Variants in PREP observed in about 807,000 individuals in gnomAD.
PREP encodes prolyl endopeptidase, also known as dJ355L5.1 (prolyl endopeptidase).
A neutral mutation model predicts 87.6 loss-of-function variants in PREP; 29 were observed. The ratio of observed to expected loss-of-function variants is 0.33; its 90% CI spans 0.25 to 0.45. The LOEUF (loss-of-function observed/expected upper bound fraction) is 0.45, where lower values mean the gene tolerates loss of function less well. Among genes scored for constraint, PREP ranks in the 20% least tolerant of loss-of-function variants. PREP has a pLI of 1.00. For missense variants in PREP, 695 were observed against 886.5 expected (o/e 0.78, Z 2.74); for synonymous variants, 337 against 328.6 (o/e 1.03, Z -0.28).
Position 105,333,397 on chromosome 6 carries a change from T to C in PREP, c.932A>G (p.Tyr311Cys), listed in dbSNP as rs761859586. The C allele has an allele frequency of 4.3e-6, 7 of 1,614,176 alleles. No individual in the cohort carries two copies. Among genetic ancestry groups the C allele is most frequent in the African/African-American group, 2.7e-5 (2 of 75,054 alleles). Reference protein sequence around the residue: ...TFKTNRQSPNYRVINIDFRDP... With the variant: ...TFKTNRQSPNCRVINIDFRDP... Reference sequence around the variant, plus strand: ...CCTGAAGTCAATGTTGATCACGCGATAGTTGGGAGACTGGCGATTCGTCTT... The same window carrying C: ...CCTGAAGTCAATGTTGATCACGCGACAGTTGGGAGACTGGCGATTCGTCTT... The change falls in exon 8 of 15, where the codon TAT becomes TGT. Residue 311 changes from tyrosine to cysteine, a missense_variant. Around this residue, in one of 5 missense-constraint regions of PREP, gnomAD observed 517 missense variants for 620.3 expected, o/e 0.83. Coordinates refer to ENST00000652536, the MANE Select transcript of PREP (RefSeq NM_002726.5).
intron 6 of PREP, among the ~76,000 whole-genome samples, chr6:105,358,263 C>G (rs1583079257): frequency 6.6e-6 from 1 of 152,092 alleles, no homozygotes; most frequent in East Asian, 1.9e-4. Flanking sequence ...CCATTACTTG[C>G]ATTCCTAATC....
intron 13 of PREP, 124 bp downstream of exon 13, chr6:105,282,327 G>T: frequency 8.5e-7 from 1 of 1,181,826 alleles, no homozygotes; most frequent in Non-Finnish European, 1.2e-6. Flanking sequence ...AATGGGTTTT[G>T]CTCTCCTTAT....
chr6:105,363,415 T>C (rs1432544659), intron 6 of PREP, among the ~76,000 whole-genome samples: 2 of 152,266 alleles, frequency 1.3e-5, no homozygotes, highest in South Asian at 2.1e-4. Context: ...TTTGGTCCAA[T>C]AGAACCTGAC....
intron 7 of PREP, among the ~76,000 whole-genome samples, chr6:105,344,226 C>T (rs1052384771): frequency 6.6e-6 from 1 of 152,154 alleles, no homozygotes. Flanking sequence ...CGCGGTGGCT[C>T]ACGCCTGTAA....
chr6:105,288,232 C>T (rs1351228533), intron 11 of PREP, among the ~76,000 whole-genome samples: 1 of 152,208 alleles, frequency 6.6e-6, no homozygotes, highest in Admixed American at 6.5e-5. Flanking sequence ...ACCTGTTACA[C>T]TGAGGACATT....
intron 6 of PREP, among the ~76,000 whole-genome samples, chr6:105,365,144 G>T (rs1772353074): frequency 6.6e-6 from 1 of 152,208 alleles, no homozygotes; most frequent in Admixed American, 6.5e-5. Context: ...CTACTCGGGA[G>T]GCTGAGGCAA....
intron 12 of PREP, among the ~76,000 whole-genome samples, chr6:105,283,316 G>C (rs1770121342): frequency 6.6e-6 from 1 of 152,156 alleles, no homozygotes; most frequent in South Asian, 2.1e-4. Context: ...ATTACTTGGA[G>C]AAACATTTAC....
intron 8 of PREP, among the ~76,000 whole-genome samples, chr6:105,330,218 G>A (rs1207710227): frequency 6.6e-6 from 1 of 152,178 alleles, no homozygotes; most frequent in Non-Finnish European, 1.5e-5. Context: ...CATAAAGATG[G>A]CATTAATAAA....
At position 105,322,930 on chromosome 6, in the gene PREP, C is replaced by T. The variant is rs74850740; in HGVS notation, c.1317+735G>A. On this transcript the variant is annotated intron_variant, in intron 10 of 14. Transcript: ENST00000652536. ...AGCGCTCTTTATTCTCATCTTCCTT[C>T]ACAAACAATGTTCTGATTCCTAATC... The T allele has an allele frequency of 4.4e-3, 5,329 of 1,222,870 alleles. 207 individuals are homozygous for T. In the African/African-American group the frequency reaches 0.077, roughly 18 times the overall value. 75.8% of individuals were successfully genotyped at this position (1,222,870 alleles called of 1,614,324 possible). A position where few individuals can be genotyped will look rare whatever the true frequency, so the allele number is the denominator to read the frequency against.
intron 14 of PREP, chr6:105,280,809 G>C (rs1419940742): frequency 6.6e-6 from 1 of 152,134 alleles, no homozygotes; most frequent in African/African-American, 2.4e-5. Flanking sequence ...CTAAGCTCAA[G>C]TGATCTACCT....
At chr6:105,343,315 G>A (rs1393256992) in intron 7 of PREP, among the ~76,000 whole-genome samples, 1 of 152,174 alleles carries the variant, frequency 6.6e-6, no homozygotes, top group Non-Finnish European at 1.5e-5. Flanking sequence ...GGGAAAACTG[G>A]CTAGCCATAT....
chr6:105,314,969 G>A (rs541945481), intron 10 of PREP, among the ~76,000 whole-genome samples: 2 of 152,264 alleles, frequency 1.3e-5, no homozygotes, highest in South Asian at 4.1e-4. Flanking sequence ...TCTTTGTACA[G>A]CTCCATCAGA....
chr6:105,397,823 T>A, intron 2 of PREP, 30 bp downstream of exon 2: 1 of 1,527,942 alleles, frequency 6.5e-7, no homozygotes, highest in Non-Finnish European at 9.1e-7. Context: ...CTACTAAGGC[T>A]GCCTTATCTT....
Position 105,282,552 on chromosome 6 carries a change from A to T in PREP, c.1580T>A (p.Phe527Tyr). Residue 527 changes from phenylalanine to tyrosine, a missense_variant, in exon 13 of 15, where the codon TTT becomes TAT. Coordinates refer to ENST00000652536, the MANE Select transcript of PREP (RefSeq NM_002726.5). ...CTCAGCAGCACACTGAAAGTCATCA[A>T]AGCAGTTTTGTTTGTTGGCCAAGAT... ...GGILANKQNC[F>Y]DDFQCAAEYL... The T allele has an allele frequency of 2.5e-6, 4 of 1,614,164 alleles. No homozygotes were observed. The highest frequency in any genetic ancestry group is 2.5e-6 in the Non-Finnish European group (3 of 1,179,988).
intron 7 of PREP, among the ~76,000 whole-genome samples, chr6:105,349,635 TTA>T (rs778581281): frequency 9.2e-5 from 14 of 152,070 alleles, no homozygotes; most frequent in Middle Eastern, 3.5e-3. Flanking sequence ...AATAATTAAT[TTA>T]TACAAAAATG....
chr6:105,328,833 A>C lies in PREP; in HGVS notation c.1209T>G (p.Ser403=). 6.2e-7 allele frequency: 1 copy of C among 1,614,060 alleles called. No individual in the cohort carries two copies. Among genetic ancestry groups the C allele is most frequent in the Non-Finnish European group, 8.5e-7 (1 of 1,179,930 alleles). ...CAACAGTGAAAAAACACTTACCTGG[A>C]GATAAAAAGGAAGTAAACTGATAGA... The part of the protein sequence containing the change: ...EIFYQFTSFL[S]PGIIYHCDLT... Residue 403 remains serine, a synonymous_variant, in exon 9 of 15, where the codon TCT becomes TCG. Coordinates refer to ENST00000652536, the MANE Select transcript of PREP (RefSeq NM_002726.5).
At chr6:105,381,042 A>G (rs1179378232) in intron 2 of PREP, among the ~76,000 whole-genome samples, 6 of 152,228 alleles carry the variant, frequency 3.9e-5, no homozygotes, top group Non-Finnish European at 8.8e-5. Flanking sequence ...TAAAGTTTTC[A>G]TAAAACTGTT....
intron 8 of PREP, among the ~76,000 whole-genome samples, chr6:105,329,620 A>G (rs1319964640): frequency 6.6e-6 from 1 of 152,208 alleles, no homozygotes; most frequent in Non-Finnish European, 1.5e-5. Context: ...TTATCATGCT[A>G]TAGGAGCTAT....
chr6:105,376,817 G>C (rs1231031927), intron 3 of PREP, among the ~76,000 whole-genome samples: 2 of 152,202 alleles, frequency 1.3e-5, no homozygotes, highest in Admixed American at 6.5e-5. Flanking sequence ...TATAAAAATA[G>C]GTAGGCAGCC....
Sources: allele counts gnomAD v4.1 joint callset (sites outside exome capture counted in the v4.1 genomes callset), GRCh38; gene constraint gnomAD v4.1.1; regional missense constraint gnomAD v4.1.1; transcripts MANE v1.5; gene names NCBI Gene and HGNC (gene_info 2026-07-23, HGNC 2026-07-21).